FAM163A: variants seen among roughly 807,000 people sequenced by gnomAD.
FAM163A encodes the protein family with sequence similarity 163 member A, also known as protein FAM163A.
FAM163A carries 7 observed loss-of-function variants against 12.0 expected under a neutral mutation model. That is an observed-to-expected ratio of 0.58 (90% CI 0.33 to 1.10). The LOEUF is 1.10. Among genes scored for constraint, FAM163A ranks in the 50% least tolerant of loss-of-function variants. The probability of loss-of-function intolerance (pLI) is 0.03; values close to 1 mark genes in which losing one functional copy is unlikely to be tolerated. For missense variants in FAM163A, 202 were observed against 218.6 expected, an observed-to-expected ratio of 0.92 and a Z score of 0.48; for synonymous variants, 101 against 91.0, an observed-to-expected ratio of 1.11 and a Z score of -0.62.
chr1:179,759,095 G>T (rs921232168), intron 1 of FAM163A, among the ~76,000 whole-genome samples: 6 of 152,152 alleles, frequency 3.9e-5, no homozygotes, highest in Non-Finnish European at 8.8e-5. Flanking sequence ...TGTAGAGTAG[G>T]GTTTCTCAAT....
intron 1 of FAM163A, among the ~76,000 whole-genome samples, chr1:179,792,755 C>A (rs1691702402): frequency 1.3e-5 from 2 of 152,104 alleles, no homozygotes; most frequent in Admixed American, 1.3e-4. Context: ...AAAGTCATTT[C>A]TTCATTCATT....
the FAM163A span, among the ~76,000 whole-genome samples, chr1:179,734,704 G>C: frequency 6.6e-6 from 1 of 152,054 alleles, no homozygotes; most frequent in Non-Finnish European, 1.5e-5. Context: ...ATCACCTTGG[G>C]GGTTAGAATT....
chr1:179,813,759 C>CCCTCTG lies in FAM163A; in HGVS notation c.94-17_94-12dup. Reference sequence around the variant, plus strand: ...GGGGAGCATTCACCCTCTCAGGCATCCCTCTGCCCTTCCGCACAGTATTAC... The same window carrying CCCTCTG: ...GGGGAGCATTCACCCTCTCAGGCATCCCTCTGCCTCTGCCCTTCCGCACAGTATTAC... On this transcript the variant is annotated intron_variant, in intron 4 of 4. Transcript: ENST00000341785. 1.2e-6 allele frequency: 2 copies of CCCTCTG among 1,613,332 alleles called. No individual in the cohort carries two copies. Among genetic ancestry groups the CCCTCTG allele is most frequent in the South Asian group, 2.2e-5 (2 of 91,044 alleles).
intron 1 of FAM163A, among the ~76,000 whole-genome samples, chr1:179,780,038 C>A (rs1417265166): frequency 6.6e-6 from 1 of 152,168 alleles, no homozygotes; most frequent in Non-Finnish European, 1.5e-5. Context: ...GGCTGTGACC[C>A]AAAGTCTGAC....
At chr1:179,800,258 A>T (rs1692966775) in intron 1 of FAM163A, among the ~76,000 whole-genome samples, 1 of 152,120 alleles carries the variant, frequency 6.6e-6, no homozygotes, top group Non-Finnish European at 1.5e-5. Flanking sequence ...CTCTTCTTCC[A>T]TTATCAGCAC....
chr1:179,764,710 G>A (rs1336358273), intron 1 of FAM163A, among the ~76,000 whole-genome samples: 1 of 152,108 alleles, frequency 6.6e-6, no homozygotes, highest in Non-Finnish European at 1.5e-5. Context: ...TTCTGGAGGT[G>A]GTCTCACATG....
chr1:179,753,936 AG>A lies in FAM163A; in HGVS notation c.-136+10514del, dbSNP rs528711833. Among the ~76,000 whole-genome samples the A allele has an allele frequency of 2.5e-4, 38 of 152,362 alleles. No individual in the cohort carries two copies. In the South Asian group the frequency reaches 5.2e-3, roughly 21 times the overall value. ...CCCCACAAAGTTGTAGATGGTACAT[AG>A]AAAGTGATTAACAAAGGTATGCTGT... On this transcript the variant is annotated intron_variant, in intron 1 of 4. Transcript: ENST00000341785.
chr1:179,758,676 AC>A (rs2148030859), intron 1 of FAM163A, among the ~76,000 whole-genome samples: 1 of 152,288 alleles, frequency 6.6e-6, no homozygotes, highest in South Asian at 2.1e-4. Context: ...TCCAGGACTG[AC>A]TTTTAGCAGG....
At chr1:179,731,650 C>T in the FAM163A span, among the ~76,000 whole-genome samples, 1 of 152,216 alleles carries the variant, frequency 6.6e-6, no homozygotes, top group Admixed American at 6.5e-5. Flanking sequence ...GAGGCCGTCC[C>T]AGCAAGACTA....
At chr1:179,752,093 A>G (rs566412595) in intron 1 of FAM163A, among the ~76,000 whole-genome samples, 5 of 152,336 alleles carry the variant, frequency 3.3e-5, no homozygotes, top group Admixed American at 1.3e-4. Flanking sequence ...GTACTGGTAT[A>G]AAGACACATA....
At chr1:179,733,605 G>A in the FAM163A span, among the ~76,000 whole-genome samples, 3 of 152,142 alleles carry the variant, frequency 2.0e-5, no homozygotes, top group South Asian at 2.1e-4. Context: ...AGACAGTGAC[G>A]CTCCCCTCAT....
chr1:179,758,394 C>T (rs919598979), intron 1 of FAM163A, among the ~76,000 whole-genome samples: 8 of 152,098 alleles, frequency 5.3e-5, no homozygotes, highest in Non-Finnish European at 2.9e-5. Flanking sequence ...TTAGCAAAGC[C>T]GTGCTCAGAG....
intron 1 of FAM163A, among the ~76,000 whole-genome samples, chr1:179,777,524 G>A (rs1339993156): frequency 3.3e-5 from 5 of 152,122 alleles, no homozygotes; most frequent in African/African-American, 7.2e-5. Context: ...TCTGGGCAGC[G>A]GTTCTGATGT....
At chr1:179,800,618 C>G (rs76958660) in intron 1 of FAM163A, among the ~76,000 whole-genome samples, 1 of 152,326 alleles carries the variant, frequency 6.6e-6, no homozygotes, top group South Asian at 2.1e-4. Flanking sequence ...GTTTTCTCTC[C>G]GCGTCCCCTC....
chr1:179,728,407 G>T, the FAM163A span, among the ~76,000 whole-genome samples: 3 of 152,144 alleles, frequency 2.0e-5, no homozygotes, highest in South Asian at 6.2e-4. Flanking sequence ...GGCAGGATGC[G>T]GTGAGATGAC....
At chr1:179,746,769 C>G (rs890548586) in intron 1 of FAM163A, among the ~76,000 whole-genome samples, 3 of 152,280 alleles carry the variant, frequency 2.0e-5, no homozygotes, top group Admixed American at 1.3e-4. Context: ...TACCCCACCC[C>G]CTTTTGGTTG....
chr1:179,806,290 A>G (rs1693923837), intron 1 of FAM163A, among the ~76,000 whole-genome samples: 1 of 152,152 alleles, frequency 6.6e-6, no homozygotes, highest in Non-Finnish European at 1.5e-5. Context: ...CAAGAGCCCC[A>G]CTGTGATACC....
intron 1 of FAM163A, among the ~76,000 whole-genome samples, chr1:179,763,799 A>G (rs1364316330): frequency 6.6e-6 from 1 of 152,120 alleles, no homozygotes; most frequent in East Asian, 1.9e-4. Flanking sequence ...GAGAAATCCT[A>G]ATGCTTGGAC....
intron 1 of FAM163A, among the ~76,000 whole-genome samples, chr1:179,751,369 G>C (rs922508448): frequency 6.6e-6 from 1 of 152,128 alleles, no homozygotes; most frequent in African/African-American, 2.4e-5. Context: ...TGAAAGCCAA[G>C]GGCAGAGCAT....
Sources: allele counts gnomAD v4.1 joint callset (sites outside exome capture counted in the v4.1 genomes callset), GRCh38; gene constraint gnomAD v4.1.1; transcripts MANE v1.5; gene names NCBI Gene and HGNC (gene_info 2026-07-23, HGNC 2026-07-21).